The following PCDHGA6 variants were observed in gnomAD, a reference collection of about 807,000 sequenced individuals.
PCDHGA6 encodes the protein protocadherin gamma-A6.
Under a neutral mutation model 60.6 loss-of-function variants are expected in PCDHGA6, and 41 were observed. The observed-to-expected ratio is 0.68, with a 90% CI of 0.53 to 0.88. PCDHGA6 has a LOEUF of 0.88. Among genes scored for constraint, PCDHGA6 ranks in the 40% least tolerant of loss-of-function variants. The pLI is 0.00. For missense variants in PCDHGA6, 1,312 were observed against 1,203.0 expected (o/e 1.09, Z -1.34); for synonymous variants, 594 against 524.4 (o/e 1.13, Z -1.81).
chr5:141,404,250 C>A lies in PCDHGA6; in HGVS notation c.2424+27743C>A, dbSNP rs1282621596. 2.5e-6 allele frequency: 4 copies of A among 1,613,886 alleles called. No homozygotes were observed. In the Admixed American group the frequency reaches 5.0e-5, roughly 20 times the overall value. On this transcript the variant is annotated intron_variant, in intron 1 of 3. Coordinates refer to ENST00000517434, the MANE Select transcript of PCDHGA6 (RefSeq NM_018919.3). Reference sequence around the variant, plus strand: ...ACAGACAGAGGAACTCCGCCCCTGTCCACAGAAATTCACATCACCCTGCAA... The same window carrying A: ...ACAGACAGAGGAACTCCGCCCCTGTACACAGAAATTCACATCACCCTGCAA...
At chr5:141,389,093 G>A in intron 1 of PCDHGA6, 1 of 1,614,018 alleles carries the variant, frequency 6.2e-7, no homozygotes, top group Non-Finnish European at 8.5e-7. Flanking sequence ...ATAAATTAGT[G>A]ACAGATGCTG....
chr5:141,423,273 G>C, intron 1 of PCDHGA6: 2 of 1,613,896 alleles, frequency 1.2e-6, no homozygotes, highest in Non-Finnish European at 1.7e-6. Flanking sequence ...TCGAGTCTCT[G>C]GCTAACTCTG....
intron 1 of PCDHGA6, chr5:141,389,391 G>A (rs544096177): frequency 1.2e-6 from 2 of 1,613,686 alleles, no homozygotes; most frequent in East Asian, 2.2e-5. Flanking sequence ...GTCATCCTAC[G>A]TGTCCATAAG....
At chr5:141,410,216 C>T in intron 1 of PCDHGA6, 1 of 1,614,002 alleles carries the variant, frequency 6.2e-7, no homozygotes, top group Non-Finnish European at 8.5e-7. Flanking sequence ...GCAAGAGATA[C>T]TGCCAGACCT....
At position 141,409,826 on chromosome 5, in the gene PCDHGA6, C is replaced by T. The variant is rs565116840; in HGVS notation, c.2424+33319C>T. 14 of 1,611,108 alleles carry T rather than the reference C, an allele frequency of 8.7e-6. No homozygotes were observed. The highest frequency in any genetic ancestry group is 1.3e-5 in the African/African-American group (1 of 75,000). On this transcript the variant is annotated intron_variant, in intron 1 of 3. Coordinates refer to ENST00000517434, the MANE Select transcript of PCDHGA6 (RefSeq NM_018919.3). ...GGCCCGCGACCACGGCTCGCCCACG[C>T]TCAGCGCCAACGTGAGCCTGCGCGT...
intron 1 of PCDHGA6, chr5:141,385,194 G>A (rs1274561417): frequency 1.2e-6 from 2 of 1,614,124 alleles, no homozygotes; most frequent in Non-Finnish European, 1.7e-6. Flanking sequence ...ACTCTCGGAA[G>A]AGTCACCTGA....
intron 1 of PCDHGA6, chr5:141,399,180 G>A (rs1454578078): frequency 6.2e-7 from 1 of 1,613,916 alleles, no homozygotes; most frequent in Non-Finnish European, 8.5e-7. Context: ...TACTTGAAAT[G>A]ATTCTGGAAA....
At chr5:141,383,843 A>G in intron 1 of PCDHGA6, 4 of 1,613,970 alleles carry the variant, frequency 2.5e-6, no homozygotes, top group Non-Finnish European at 2.5e-6. Flanking sequence ...ACTGCCTTCT[A>G]TGAAATGGAG....
chr5:141,492,787 G>A (rs1308203463), intron 1 of PCDHGA6, among the ~76,000 whole-genome samples: 2 of 152,254 alleles, frequency 1.3e-5, no homozygotes, highest in Admixed American at 6.5e-5. Context: ...AGCCTCTATA[G>A]GACAGCAGGA....
At chr5:141,415,863 GTGT>G in intron 1 of PCDHGA6, 1 of 1,107,154 alleles carries the variant, frequency 9.0e-7, no homozygotes, top group Non-Finnish European at 1.2e-6. Flanking sequence ...GTAGTTTATA[GTGT>G]TGTTGAGTAC....
At chr5:141,417,787 T>C in intron 1 of PCDHGA6, 1 of 1,477,124 alleles carries the variant, frequency 6.8e-7, no homozygotes, top group Non-Finnish European at 9.0e-7. Flanking sequence ...CTGGGCCGAA[T>C]GCTCTTTTAG....
intron 1 of PCDHGA6, chr5:141,409,744 G>A (rs1255485257): frequency 6.2e-7 from 1 of 1,612,978 alleles, no homozygotes; most frequent in Non-Finnish European, 8.5e-7. Flanking sequence ...GCGGGGTGGT[G>A]TTCGCGCAGC....
intron 1 of PCDHGA6, among the ~76,000 whole-genome samples, chr5:141,401,205 G>C (rs1479820661): frequency 6.6e-6 from 1 of 152,118 alleles, no homozygotes; most frequent in African/African-American, 2.4e-5. Context: ...AGCTGGGTGT[G>C]GTGGCGGGCG....
Position 141,393,255 on chromosome 5 carries a change from C to G in PCDHGA6, c.2424+16748C>G, listed in dbSNP as rs201229959. 2.3e-4 allele frequency: 367 copies of G among 1,613,786 alleles called. No individual in the cohort carries two copies. Among genetic ancestry groups the G allele is most frequent in the Non-Finnish European group, 2.9e-4 (338 of 1,179,916 alleles). On this transcript the variant is annotated intron_variant, in intron 1 of 3. Coordinates refer to ENST00000517434, the MANE Select transcript of PCDHGA6 (RefSeq NM_018919.3). ...AGTAAAAATTAACGAAATCGCGGTT[C>G]CTGGAGCACGTTATCCACTCCCAGA...
chr5:141,448,232 T>A (rs917554207), intron 1 of PCDHGA6, among the ~76,000 whole-genome samples: 1 of 152,094 alleles, frequency 6.6e-6, no homozygotes, highest in Admixed American at 6.6e-5. Context: ...ATGTGTGGGG[T>A]TTTCTTTGCA....
intron 1 of PCDHGA6, chr5:141,383,506 G>A: frequency 6.2e-7 from 1 of 1,612,872 alleles, no homozygotes; most frequent in Non-Finnish European, 8.5e-7. Flanking sequence ...GCTGGACCGG[G>A]AGGAAGAGCG....
At position 141,490,171 on chromosome 5, in the gene PCDHGA6, G is replaced by A. The variant is rs374421995; in HGVS notation, c.2425-4636G>A. 4 of 1,614,100 alleles carry A rather than the reference G, an allele frequency of 2.5e-6. No individual in the cohort carries two copies. The highest frequency in any genetic ancestry group is 3.4e-6 in the Non-Finnish European group (4 of 1,180,034). On this transcript the variant is annotated intron_variant, in intron 1 of 3. Coordinates refer to ENST00000517434, the MANE Select transcript of PCDHGA6 (RefSeq NM_018919.3). The surrounding 1 kb of genome is among the most constrained non-coding windows in gnomAD (Gnocchi z 5.4). ...CCATGTGTTGGGTCCCATAGACTTT[G>A]AGGAGTCACGTTTCTATGAAATTCA...
chr5:141,485,172 C>T lies in PCDHGA6; in HGVS notation c.2425-9635C>T, dbSNP rs377648315. 3.9e-5 allele frequency: 62 copies of T among 1,610,044 alleles called. No individual in the cohort carries two copies. The highest frequency in any genetic ancestry group is 5.1e-5 in the Non-Finnish European group (60 of 1,176,944). On this transcript the variant is annotated intron_variant, in intron 1 of 3. Coordinates refer to ENST00000517434, the MANE Select transcript of PCDHGA6 (RefSeq NM_018919.3). The surrounding 1 kb of genome is among the most constrained non-coding windows in gnomAD (Gnocchi z 5.7). ...CAAGTAGAGAATTAGCGGGCGGCAGCAATGCTCCGCAAGGTGAGAAGCTGG... is the reference window on the plus strand; with the variant it reads ...CAAGTAGAGAATTAGCGGGCGGCAGTAATGCTCCGCAAGGTGAGAAGCTGG...
chr5:141,444,470 C>T (rs1275997551), intron 1 of PCDHGA6, among the ~76,000 whole-genome samples: 2 of 152,058 alleles, frequency 1.3e-5, no homozygotes, highest in African/African-American at 2.4e-5. Flanking sequence ...TGCGCCCGGT[C>T]GCGTACTGGA....
Sources: gnomAD v4.1 joint callset for allele counts (sites outside exome capture counted in the v4.1 genomes callset) on GRCh38, gnomAD v4.1.1 for gene constraint, Gnocchi (gnomAD v3.1) non-coding constraint, MANE v1.5 for transcripts, NCBI Gene and HGNC (gene_info 2026-07-23, HGNC 2026-07-21) for gene names.